Variants in PCDHB8 observed in about 807,000 individuals in gnomAD.
PCDHB8 encodes the protein protocadherin beta-8.
For missense variants in PCDHB8, 836 were observed against 1,004.0 expected, an observed-to-expected ratio of 0.83 and a Z score of 2.26; for synonymous variants, 385 against 448.5, an observed-to-expected ratio of 0.86 and a Z score of 1.79.
At position 141,179,722 on chromosome 5, in the gene PCDHB8, T is replaced by C. The variant is rs1753495323; in HGVS notation, c.1688T>C (p.Leu563Pro). The C allele has an allele frequency of 1.9e-6, 3 of 1,611,716 alleles. No homozygotes were observed. ...LDANDNSPFVLYPLQNGSAPC... is the reference protein window; with the variant it reads ...LDANDNSPFVPYPLQNGSAPC... ...GCCAACGACAACTCGCCCTTCGTGC[T>C]GTACCCGCTGCAGAATGGCTCCGCG... The change falls in exon 1 of 1, where the codon CTG (leucine) becomes CCG (proline). Residue 563 changes from leucine to proline, a missense_variant. Physicochemically the swap from Leu to Pro is moderately conservative, Grantham distance 98. Coordinates refer to ENST00000239444, the MANE Select transcript of PCDHB8 (RefSeq NM_019120.5).
Position 141,179,030 on chromosome 5 carries a change from C to T in PCDHB8, c.996C>T (p.Cys332=), listed in dbSNP as rs1554281082. 1.2e-6 allele frequency: 2 copies of T among 1,614,232 alleles called. No homozygotes were observed. Among genetic ancestry groups the T allele is most frequent in the African/African-American group, 1.3e-5 (1 of 75,054 alleles). ...ARDAGGFSGK[C]TVLIQVIDVN... Reference sequence around the variant, plus strand: ...ATGCTGGAGGCTTTTCTGGAAAATGCACCGTTCTGATTCAAGTGATAGATG... The same window carrying T: ...ATGCTGGAGGCTTTTCTGGAAAATGTACCGTTCTGATTCAAGTGATAGATG... Residue 332 remains cysteine (C), a synonymous_variant, in exon 1 of 1, where the codon TGC becomes TGT. Coordinates refer to ENST00000239444, the MANE Select transcript of PCDHB8 (RefSeq NM_019120.5).
chr5:141,180,342 C>G lies in PCDHB8; in HGVS notation c.2308C>G (p.Pro770Ala). The change falls in exon 1 of 1, where the codon CCA becomes GCA. Residue 770 changes from proline (P) to alanine (A), a missense_variant. By Grantham distance (27) the Pro-to-Ala change is conservative. Coordinates refer to ENST00000239444, the MANE Select transcript of PCDHB8 (RefSeq NM_019120.5). ...SGTNEFQLLKPVLPNIQGHSF... is the reference protein window; with the variant it reads ...SGTNEFQLLKAVLPNIQGHSF... ...GACGAATGAGTTCCAGCTCCTGAAA[C>G]CAGTATTACCTAATATTCAGGGCCA... The G allele has an allele frequency of 1.2e-6, 2 of 1,614,122 alleles. No individual in the cohort carries two copies. Among genetic ancestry groups the G allele is most frequent in the Non-Finnish European group, 1.7e-6 (2 of 1,180,012 alleles).
chr5:141,179,239 A>T lies in PCDHB8; in HGVS notation c.1205A>T (p.Tyr402Phe). The T allele has an allele frequency of 6.2e-7, 1 of 1,614,226 alleles. No individual in the cohort carries two copies. Among genetic ancestry groups the T allele is most frequent in the African/African-American group, 1.3e-5 (1 of 75,056 alleles). The change falls in exon 1 of 1, where the codon TAC (tyrosine) becomes TTC (phenylalanine). Residue 402 changes from tyrosine to phenylalanine, a missense_variant. Tyr to Phe is a conservative substitution (Grantham distance 22). Coordinates refer to ENST00000239444, the MANE Select transcript of PCDHB8 (RefSeq NM_019120.5). The stretch of plus-strand genomic sequence containing the variant: ...CTGAAATCTTCTGTGGGGAACTTTT[A>T]CACCCTACTAACAGAGACACCACTA... Reference protein sequence around the residue: ...FLLKSSVGNFYTLLTETPLDR... With the variant: ...FLLKSSVGNFFTLLTETPLDR...
chr5:141,179,223 T>C lies in PCDHB8; in HGVS notation c.1189T>C (p.Ser397Pro), dbSNP rs1753468880. ...GGATCTACCCTTCCTCCTGAAATCT[T>C]CTGTGGGGAACTTTTACACCCTACT... is the stretch of plus-strand genomic sequence containing the variant. ...QEDLPFLLKS[S>P]VGNFYTLLTE... The change falls in exon 1 of 1, where the codon TCT (serine) becomes CCT (proline). Residue 397 changes from serine (S) to proline (P), a missense_variant. Transcript: ENST00000239444. 1 of 1,614,074 alleles carries C rather than the reference T, an allele frequency of 6.2e-7. No homozygotes were observed. The highest frequency in any genetic ancestry group is 1.1e-5 in the South Asian group (1 of 91,090).
rs1485575911 is a variant in PCDHB8 at position 141,179,886 on chromosome 5, G to A, written c.1852G>A (p.Val618Met). The change falls in exon 1 of 1, where the codon GTG becomes ATG. Residue 618 changes from valine (V) to methionine (M), a missense_variant. By Grantham distance (21) the Val-to-Met change is conservative. Coordinates refer to ENST00000239444, the MANE Select transcript of PCDHB8 (RefSeq NM_019120.5). ...GGCCACGGAGCCCGGGCTGTTCGGT[G>A]TGTGGGCGCACAATGGCGAGGTGCG... ...LKATEPGLFG[V>M]WAHNGEVRTA... 41 of 1,609,544 alleles carry A rather than the reference G, an allele frequency of 2.5e-5. No individual in the cohort carries two copies. The highest frequency in any genetic ancestry group is 2.1e-4 in the South Asian group (19 of 90,972).
rs782518659 is a variant in PCDHB8, at chr5:141,179,568, G to C, written c.1534G>C (p.Gly512Arg). The part of the protein sequence containing the change: ...ASLVSINTDN[G>R]HLFALRSLDY... Reference sequence around the variant, plus strand: ...CCTGGTCTCCATCAACACAGACAACGGCCACCTGTTCGCCCTCAGGTCGCT... The same window carrying C: ...CCTGGTCTCCATCAACACAGACAACCGCCACCTGTTCGCCCTCAGGTCGCT... The change falls in exon 1 of 1, where the codon GGC (glycine) becomes CGC (arginine). Residue 512 changes from glycine to arginine, a missense_variant. By Grantham distance (125) the Gly-to-Arg change is moderately radical. Coordinates refer to ENST00000239444, the MANE Select transcript of PCDHB8 (RefSeq NM_019120.5). 17 of 1,613,676 alleles carry C rather than the reference G, an allele frequency of 1.1e-5. No homozygotes were observed. Among genetic ancestry groups the C allele is most frequent in the Admixed American group, 5.0e-5 (3 of 60,012 alleles).
Position 141,180,108 on chromosome 5 carries a change from G to A in PCDHB8, c.2074G>A (p.Val692Met). 2 of 1,610,880 alleles carry A rather than the reference G, an allele frequency of 1.2e-6. No individual in the cohort carries two copies. Among genetic ancestry groups the A allele is most frequent in the African/African-American group, 2.7e-5 (2 of 74,986 alleles). The change falls in exon 1 of 1, where the codon GTG (valine) becomes ATG (methionine). Residue 692 changes from valine to methionine, a missense_variant. Val to Met is a conservative substitution (Grantham distance 21). Transcript: ENST00000239444. Reference protein sequence around the residue: ...GQADSLTVYLVVALASVSSLF... With the variant: ...GQADSLTVYLMVALASVSSLF... ...GGCCGACTCTCTCACCGTCTACCTG[G>A]TGGTGGCGTTGGCCTCGGTGTCTTC...
rs782423761 is a variant in PCDHB8, at chr5:141,180,097, C to T, written c.2063C>T (p.Thr688Ile). The T allele has an allele frequency of 2.5e-6, 4 of 1,610,624 alleles. No homozygotes were observed. Among genetic ancestry groups the T allele is most frequent in the Non-Finnish European group, 3.4e-6 (4 of 1,179,848 alleles). ...GCCCAGGGCCAGGCCGACTCTCTCA[C>T]CGTCTACCTGGTGGTGGCGTTGGCC... is the stretch of plus-strand genomic sequence containing the variant. ...APAQGQADSL[T>I]VYLVVALASV... The change falls in exon 1 of 1, where the codon ACC becomes ATC. Residue 688 changes from threonine to isoleucine, a missense_variant. Physicochemically the swap from Thr to Ile is moderately conservative, Grantham distance 89 (BLOSUM62 -1). Transcript: ENST00000239444.
Position 141,179,282 on chromosome 5 carries a change from C to G in PCDHB8, c.1248C>G (p.Ala416=). 1.2e-6 allele frequency: 2 copies of G among 1,614,228 alleles called. No homozygotes were observed. Among genetic ancestry groups the G allele is most frequent in the Non-Finnish European group, 1.7e-6 (2 of 1,180,042 alleles). ...CACCACTAGACAGAGAAAGCAGAGC[C>G]GAGTACAACGTCACTATCACCGTCA... is the stretch of plus-strand genomic sequence containing the variant. The part of the protein sequence containing the change: ...TETPLDRESR[A]EYNVTITVTD... Residue 416 remains alanine (A), a synonymous_variant, in exon 1 of 1, where the codon GCC becomes GCG. Coordinates refer to ENST00000239444, the MANE Select transcript of PCDHB8 (RefSeq NM_019120.5).
Position 141,178,246 on chromosome 5 carries a change from G to A in PCDHB8, c.212G>A (p.Gly71Glu), listed in dbSNP as rs782110863. Residue 71 changes from glycine to glutamate, a missense_variant, in exon 1 of 1, where the codon GGG becomes GAG. By Grantham distance (98) the Gly-to-Glu change is moderately conservative (BLOSUM62 -2). Transcript: ENST00000239444. ...CGGGGGGTTAGGGTTGTTTCCAGAG[G>A]GAACAAACTACATTTGCAGCTCAAT... ...SRRGVRVVSR[G>E]NKLHLQLNQE... 6.6e-7 allele frequency: 1 copy of A among 1,511,592 alleles called. No homozygotes were observed. Among genetic ancestry groups the A allele is most frequent in the Admixed American group, 1.8e-5 (1 of 55,140 alleles). The allele number at this position is 1,511,592 out of a possible 1,614,324, so 93.6% of individuals were successfully genotyped here. A position where few individuals can be genotyped will look rare whatever the true frequency, so the allele number is the denominator to read the frequency against.
In PCDHB8 at chr5:141,179,947, A is replaced by C. The variant is rs1554281460; in HGVS notation, c.1913A>C (p.Lys638Thr). Residue 638 changes from lysine (K) to threonine (T), a missense_variant, in exon 1 of 1, where the codon AAG (lysine) becomes ACG (threonine). By Grantham distance (78) the Lys-to-Thr change is moderately conservative. Transcript: ENST00000239444. The stretch of plus-strand genomic sequence containing the variant: ...CTGCTGAGCGAGCGCGACGCGGCCA[A>C]GCAGAGGCTGGTGGTGCTGGTCAAG... Reference protein sequence around the residue: ...ARLLSERDAAKQRLVVLVKDN... With the variant: ...ARLLSERDAATQRLVVLVKDN... 6.2e-7 allele frequency: 1 copy of C among 1,608,958 alleles called. No individual in the cohort carries two copies. The highest frequency in any genetic ancestry group is 1.7e-5 in the Admixed American group (1 of 59,996).
In PCDHB8 at chr5:141,179,855, G is replaced by C. The variant is rs1294934618; in HGVS notation, c.1821G>C (p.Leu607=). 2 of 1,609,954 alleles carry C rather than the reference G, an allele frequency of 1.2e-6. No individual in the cohort carries two copies. Among genetic ancestry groups the C allele is most frequent in the East Asian group, 4.5e-5 (2 of 44,884 alleles). ...SGQNAWLSYQ[L]LKATEPGLFG... ...AGAACGCCTGGCTGTCGTACCAGCT[G>C]CTCAAGGCCACGGAGCCCGGGCTGT... is the stretch of plus-strand genomic sequence containing the variant. The change falls in exon 1 of 1, where the codon CTG becomes CTC. Residue 607 remains leucine, a synonymous_variant. Coordinates refer to ENST00000239444, the MANE Select transcript of PCDHB8 (RefSeq NM_019120.5).
Position 141,179,182 on chromosome 5 carries a change from G to T in PCDHB8, c.1148G>T (p.Ser383Ile). Reference sequence around the variant, plus strand: ...GATTCAGGAGAAAATGGGAAAATAAGTTGCTCCATTCAGGAGGATCTACCC... The same window carrying T: ...GATTCAGGAGAAAATGGGAAAATAATTTGCTCCATTCAGGAGGATCTACCC... ...DLDSGENGKI[S>I]CSIQEDLPFL... The change falls in exon 1 of 1, where the codon AGT becomes ATT. Residue 383 changes from serine (S) to isoleucine (I), a missense_variant. By Grantham distance (142) the Ser-to-Ile change is moderately radical (BLOSUM62 -2). Transcript: ENST00000239444. The T allele has an allele frequency of 6.2e-7, 1 of 1,614,196 alleles. No individual in the cohort carries two copies. The highest frequency in any genetic ancestry group is 1.1e-5 in the South Asian group (1 of 91,084).
In PCDHB8 at chr5:141,179,436, G is replaced by A. The variant is rs1753479073; in HGVS notation, c.1402G>A (p.Ala468Thr). The change falls in exon 1 of 1, where the codon GCC (alanine) becomes ACC (threonine). Residue 468 changes from alanine to threonine, a missense_variant. Ala to Thr is a moderately conservative substitution (Grantham distance 58). Transcript: ENST00000239444. ...GTTCGTCCGCGAGAACAACAGCCCC[G>A]CCCTGCACATCGGCAGCGTCAGCGC... ...TLFVRENNSP[A>T]LHIGSVSATD... 1.2e-6 allele frequency: 2 copies of A among 1,613,976 alleles called. No individual in the cohort carries two copies. The highest frequency in any genetic ancestry group is 1.3e-5 in the African/African-American group (1 of 74,924).
rs782098562 is a variant in PCDHB8, at chr5:141,179,957, G to C, written c.1923G>C (p.Leu641=). 8 of 1,608,646 alleles carry C rather than the reference G, an allele frequency of 5.0e-6. No individual in the cohort carries two copies. The South Asian group carries it at 8.8e-5, about 18-fold the overall frequency. ...LSERDAAKQR[L]VVLVKDNGEP... is the part of the protein sequence containing the mutation. ...AGCGCGACGCGGCCAAGCAGAGGCT[G>C]GTGGTGCTGGTCAAGGACAATGGCG... Residue 641 remains leucine, a synonymous_variant, in exon 1 of 1, where the codon CTG becomes CTC. Transcript: ENST00000239444.
In PCDHB8 at chr5:141,180,354, A is replaced by G. The variant is rs1554281712; in HGVS notation, c.2320A>G (p.Asn774Asp). The G allele has an allele frequency of 3.7e-6, 6 of 1,613,890 alleles. No individual in the cohort carries two copies. Among genetic ancestry groups the G allele is most frequent in the East Asian group, 2.2e-5 (1 of 44,896 alleles). ...CCAGCTCCTGAAACCAGTATTACCT[A>G]ATATTCAGGGCCATTCTTTTGGGCC... ...EFQLLKPVLP[N>D]IQGHSFGPEM... The change falls in exon 1 of 1, where the codon AAT (asparagine) becomes GAT (aspartate). Residue 774 changes from asparagine (N) to aspartate (D), a missense_variant. Transcript: ENST00000239444.
Position 141,179,516 on chromosome 5 carries a change from C to G in PCDHB8, c.1482C>G (p.Pro494=). Residue 494 remains proline, a synonymous_variant, in exon 1 of 1, where the codon CCC becomes CCG. Coordinates refer to ENST00000239444, the MANE Select transcript of PCDHB8 (RefSeq NM_019120.5). ...AGGTCACCTACTCGCTGCTGCCGCC[C>G]CAGGATCCGCACCTGCCCCTCGCCT... The part of the protein sequence containing the change: ...NAQVTYSLLP[P]QDPHLPLASL... 6.2e-7 allele frequency: 1 copy of G among 1,613,702 alleles called. No individual in the cohort carries two copies. Among genetic ancestry groups the G allele is most frequent in the Non-Finnish European group, 8.5e-7 (1 of 1,180,016 alleles).
rs782747311 is a variant in PCDHB8 at position 141,180,120 on chromosome 5, G to C, written c.2086G>C (p.Ala696Pro). ...SLTVYLVVAL[A>P]SVSSLFLFSV... Reference sequence around the variant, plus strand: ...CACCGTCTACCTGGTGGTGGCGTTGGCCTCGGTGTCTTCGCTCTTCCTCTT... The same window carrying C: ...CACCGTCTACCTGGTGGTGGCGTTGCCCTCGGTGTCTTCGCTCTTCCTCTT... The change falls in exon 1 of 1, where the codon GCC becomes CCC. Residue 696 changes from alanine to proline, a missense_variant. Transcript: ENST00000239444. The C allele has an allele frequency of 6.8e-6, 11 of 1,610,894 alleles. No homozygotes were observed. The highest frequency in any genetic ancestry group is 9.3e-6 in the Non-Finnish European group (11 of 1,179,818).
At position 141,179,196 on chromosome 5, in the gene PCDHB8, G is replaced by A. The variant is rs782532754; in HGVS notation, c.1162G>A (p.Glu388Lys). The A allele has an allele frequency of 4.3e-6, 7 of 1,614,142 alleles. No homozygotes were observed. In the South Asian group the frequency reaches 7.7e-5, roughly 18 times the overall value. The change falls in exon 1 of 1, where the codon GAG becomes AAG. Residue 388 changes from glutamate (E) to lysine (K), a missense_variant. By Grantham distance (56) the Glu-to-Lys change is moderately conservative (BLOSUM62 1). Transcript: ENST00000239444. ...ENGKISCSIQ[E>K]DLPFLLKSSV... is the part of the protein sequence containing the mutation. ...TGGGAAAATAAGTTGCTCCATTCAG[G>A]AGGATCTACCCTTCCTCCTGAAATC...
Sources: allele counts gnomAD v4.1 joint callset, GRCh38; gene constraint gnomAD v4.1.1; transcripts MANE v1.5; gene names NCBI Gene and HGNC (gene_info 2026-07-23, HGNC 2026-07-21).